MACROD1: variants seen among roughly 807,000 people sequenced by gnomAD.
MACROD1 encodes the protein mono-ADP ribosylhydrolase 1, also known as ADP-ribose glycohydrolase MACROD1.
A neutral mutation model predicts 41.4 loss-of-function variants in MACROD1; 31 were observed. That is an observed-to-expected ratio of 0.75 (90% CI 0.56 to 1.01). The LOEUF is 1.01. Ranked by LOEUF, MACROD1 falls within the 50% of genes least tolerant of loss-of-function variation. The pLI is 0.00. For synonymous variants in MACROD1, 252 were observed against 203.4 expected (o/e 1.24, Z -2.03); for missense variants, 473 against 460.0 (o/e 1.03, Z -0.26).
intron 4 of MACROD1, among the ~76,000 whole-genome samples, chr11:64,004,631 C>T (rs1490031255): frequency 1.3e-5 from 2 of 152,154 alleles, no homozygotes; most frequent in Non-Finnish European, 2.9e-5. Flanking sequence ...CCCCTACCAT[C>T]CCGTGGGGCT....
intron 1 of MACROD1, among the ~76,000 whole-genome samples, chr11:64,161,348 G>C (rs1048630727): frequency 2.0e-5 from 3 of 152,188 alleles, no homozygotes; most frequent in Non-Finnish European, 4.4e-5. Flanking sequence ...AAAATGAACA[G>C]ATATCACAAG....
chr11:64,116,139 G>A, intron 3 of MACROD1: 1 of 1,388,742 alleles, frequency 7.2e-7, no homozygotes, highest in Admixed American at 2.5e-5. Context: ...AGGCTGGCAG[G>A]TGGGAGGGAA....
chr11:64,137,974 C>A (rs564109386), intron 3 of MACROD1, among the ~76,000 whole-genome samples: 114 of 152,320 alleles, frequency 7.5e-4, no homozygotes, highest in African/African-American at 2.7e-3. Flanking sequence ...AACTCATATG[C>A]CCATTTCCTT....
intron 3 of MACROD1, among the ~76,000 whole-genome samples, chr11:64,047,047 C>A (rs560822544): frequency 4.6e-5 from 7 of 152,190 alleles, no homozygotes; most frequent in Admixed American, 2.0e-4. Flanking sequence ...CAGTGCCCCC[C>A]CCGGCTAGCA....
chr11:64,031,645 T>G (rs992329149), intron 3 of MACROD1, among the ~76,000 whole-genome samples: 24 of 152,024 alleles, frequency 1.6e-4, no homozygotes, highest in Admixed American at 3.9e-4. Flanking sequence ...TGCCAGCTAA[T>G]TTTTGTATTT....
At chr11:64,158,459 G>A (rs1396395306) in intron 1 of MACROD1, among the ~76,000 whole-genome samples, 1 of 152,072 alleles carries the variant, frequency 6.6e-6, no homozygotes, top group Non-Finnish European at 1.5e-5. Context: ...GCCCAGGCTG[G>A]TCTCGAACTC....
chr11:64,009,500 C>T (rs1942968060), intron 4 of MACROD1, among the ~76,000 whole-genome samples: 3 of 152,230 alleles, frequency 2.0e-5, no homozygotes, highest in Admixed American at 1.3e-4. Flanking sequence ...AACTGGGTCT[C>T]CCTGAAGGCA....
chr11:64,113,428 G>C (rs1944897534), intron 3 of MACROD1, among the ~76,000 whole-genome samples: 1 of 151,220 alleles, frequency 6.6e-6, no homozygotes, highest in Non-Finnish European at 1.5e-5. Context: ...ATGGATGGAT[G>C]GATGGATGGA....
At chr11:64,035,687 CGG>C (rs1212161711) in intron 3 of MACROD1, among the ~76,000 whole-genome samples, 1 of 22,642 alleles carries the variant, frequency 4.4e-5, no homozygotes, top group Non-Finnish European at 9.3e-5. Context: ...CGGGTCCCGC[CGG>C]CCAGTGCGCA....
In MACROD1 at chr11:64,018,772, G is replaced by A. The variant is rs564836382; in HGVS notation, c.518-3491C>T. ...AGAGGAGGAAACTGAGGCTCACAGA[G>A]TACCCGGGGACTGGGGGAGATGCAG... On this transcript the variant is annotated intron_variant, in intron 3 of 10. Transcript: ENST00000255681. Among the ~76,000 whole-genome samples the A allele has an allele frequency of 1.6e-4, 25 of 152,356 alleles. No individual in the cohort carries two copies. In the East Asian group the frequency reaches 2.9e-3, roughly 18 times the overall value.
intron 3 of MACROD1, chr11:64,117,934 T>A: frequency 6.2e-7 from 1 of 1,613,948 alleles, no homozygotes; most frequent in South Asian, 1.1e-5. Context: ...CTGGCGGGCA[T>A]CATCGGCGGG....
chr11:64,141,098 G>A (rs1244189466), intron 3 of MACROD1, among the ~76,000 whole-genome samples: 1 of 152,222 alleles, frequency 6.6e-6, no homozygotes, highest in African/African-American at 2.4e-5. Flanking sequence ...TCACACCAGT[G>A]TACTCCAGCC....
At chr11:64,041,480 G>A (rs79428877) in intron 3 of MACROD1, among the ~76,000 whole-genome samples, 4,284 of 152,110 alleles carry the variant, frequency 0.028, 189 homozygotes, top group African/African-American at 0.097. Flanking sequence ...GCTCAGGGGA[G>A]TGAGGAGGGT....
At chr11:64,112,809 T>C (rs1944886565) in intron 3 of MACROD1, among the ~76,000 whole-genome samples, 1 of 152,130 alleles carries the variant, frequency 6.6e-6, no homozygotes, top group Admixed American at 6.5e-5. Context: ...CCACATAGGA[T>C]TGCACAGGGC....
chr11:64,117,295 T>C, intron 3 of MACROD1: 1 of 1,614,068 alleles, frequency 6.2e-7, no homozygotes, highest in Middle Eastern at 1.7e-4. Context: ...CGGGACTGGG[T>C]GAAGGCACGG....
chr11:64,077,734 C>T (rs1255089443), intron 3 of MACROD1, among the ~76,000 whole-genome samples: 5 of 152,218 alleles, frequency 3.3e-5, no homozygotes, highest in Non-Finnish European at 7.3e-5. Context: ...GGTCACTACC[C>T]CTCACTGCAT....
At chr11:64,078,878 A>G (rs1944252612) in intron 3 of MACROD1, among the ~76,000 whole-genome samples, 1 of 152,224 alleles carries the variant, frequency 6.6e-6, no homozygotes, top group Non-Finnish European at 1.5e-5. Flanking sequence ...CAGAGGGGAC[A>G]GCGAGAACTC....
rs547035931 is a variant in MACROD1 at position 64,070,669 on chromosome 11, G to A, written c.518-55388C>T. On this transcript the variant is annotated intron_variant, in intron 3 of 10. Coordinates refer to ENST00000255681, the MANE Select transcript of MACROD1 (RefSeq NM_014067.4). ...CTGGGGCCTCAGGGGCCTCCCAGCTGATCGGGGCAGATTTAACAGGACTTT... is the reference window on the plus strand; with the variant it reads ...CTGGGGCCTCAGGGGCCTCCCAGCTAATCGGGGCAGATTTAACAGGACTTT... 1.2e-4 allele frequency among the ~76,000 whole-genome samples: 18 copies of A among 152,350 alleles called. No individual in the cohort carries two copies. The East Asian group carries it at 1.9e-3, about 16-fold the overall frequency.
chr11:64,100,001 C>A (rs761184827), intron 3 of MACROD1, among the ~76,000 whole-genome samples: 11 of 152,138 alleles, frequency 7.2e-5, no homozygotes, highest in African/African-American at 2.7e-4. Context: ...GTTTCTCTTG[C>A]GCTGTCTTGG....
Sources: allele counts gnomAD v4.1 joint callset (sites outside exome capture counted in the v4.1 genomes callset), GRCh38; gene constraint gnomAD v4.1.1; transcripts MANE v1.5; gene names NCBI Gene and HGNC (gene_info 2026-07-23, HGNC 2026-07-21).